Variants in RPS6KA3 observed in about 807,000 individuals in gnomAD.
The protein encoded by RPS6KA3 is ribosomal protein S6 kinase alpha-3.
A neutral mutation model predicts 67.2 loss-of-function variants in RPS6KA3; 4 were observed. The ratio of observed to expected loss-of-function variants is 0.06; its 90% confidence interval spans 0.03 to 0.14. RPS6KA3 has a LOEUF of 0.14. RPS6KA3 is among the 10% of genes least tolerant of loss of function. The probability of loss-of-function intolerance (pLI) is 1.00; values close to 1 mark genes in which losing one functional copy is unlikely to be tolerated. For synonymous variants in RPS6KA3, 182 were observed against 183.7 expected, an observed-to-expected ratio of 0.99 and a Z score of 0.07; for missense variants, 204 against 559.0, an observed-to-expected ratio of 0.36 and a Z score of 6.40.
intron 3 of RPS6KA3, among the ~76,000 whole-genome samples, chrX:20,207,786 T>A (rs1007133134): frequency 8.9e-6 from 1 of 112,186 alleles, no homozygotes; most frequent in East Asian, 2.8e-4. Flanking sequence ...ATTAAAAGCA[T>A]CCTTTTGGGT....
intron 3 of RPS6KA3, among the ~76,000 whole-genome samples, chrX:20,207,240 A>G (rs1210537592): frequency 3.6e-5 from 4 of 111,801 alleles, no homozygotes; most frequent in Admixed American, 1.9e-4. Context: ...TTGGTGACAG[A>G]TAAGACTGGC....
At chrX:20,159,825 TA>T in intron 20 of RPS6KA3, among the ~76,000 whole-genome samples, 1 of 112,001 alleles carries the variant, frequency 8.9e-6, no homozygotes, top group East Asian at 2.8e-4. Flanking sequence ...GAATGCACTT[TA>T]AAAAGGAAAA....
At chrX:20,180,989 G>A (rs1477957380) in intron 10 of RPS6KA3, among the ~76,000 whole-genome samples, 1 of 111,845 alleles carries the variant, frequency 8.9e-6, no homozygotes, top group Non-Finnish European at 1.9e-5. Flanking sequence ...GGATCCAACT[G>A]TAAAGACACA....
chrX:20,256,254 A>G, intron 1 of RPS6KA3, among the ~76,000 whole-genome samples: 1 of 109,647 alleles, frequency 9.1e-6, no homozygotes, highest in Non-Finnish European at 1.9e-5. Context: ...AAGAAAAAAA[A>G]AAATGATTGC....
chrX:20,162,274 T>TG (rs765486358), intron 19 of RPS6KA3, among the ~76,000 whole-genome samples: 1 of 103,295 alleles, frequency 9.7e-6, no homozygotes, highest in East Asian at 3.0e-4. Flanking sequence ...AGGTGGAGGT[T>TG]GCAGTGAGCC....
chrX:20,247,236 GC>G (rs2069714581), intron 1 of RPS6KA3, among the ~76,000 whole-genome samples: 1 of 109,839 alleles, frequency 9.1e-6, no homozygotes, highest in South Asian at 3.9e-4. Flanking sequence ...GACCAGCCTG[GC>G]CAACATGGTG....
chrX:20,197,764 G>A (rs1179171586), intron 4 of RPS6KA3, among the ~76,000 whole-genome samples: 1 of 111,472 alleles, frequency 9.0e-6, no homozygotes, highest in African/African-American at 3.3e-5. Flanking sequence ...CCTACCATGA[G>A]GAATTTTAAT....
At chrX:20,195,960 G>C (rs997437527) in intron 4 of RPS6KA3, among the ~76,000 whole-genome samples, 1 of 112,218 alleles carries the variant, frequency 8.9e-6, no homozygotes, top group Non-Finnish European at 1.9e-5. Context: ...ATGCAAAGTA[G>C]CACCATGAAT....
intron 1 of RPS6KA3, among the ~76,000 whole-genome samples, chrX:20,237,730 G>A (rs780940984): frequency 9.0e-6 from 1 of 111,443 alleles, no homozygotes; most frequent in Admixed American, 9.5e-5. Flanking sequence ...AGCTTCATGA[G>A]GATAAAATAC....
intron 1 of RPS6KA3, among the ~76,000 whole-genome samples, chrX:20,261,479 A>C (rs2070228552): frequency 8.9e-6 from 1 of 112,350 alleles, no homozygotes; most frequent in South Asian, 3.6e-4. Flanking sequence ...ATCTTTCAAC[A>C]GTTTGTTTAA....
chrX:20,256,172 C>CAAA (rs35947983), intron 1 of RPS6KA3, among the ~76,000 whole-genome samples: 307 of 14,383 alleles, frequency 0.021, 45 homozygotes, highest in Middle Eastern at 0.25. Context: ...GACACCGTCT[C>CAAA]AAAAAAAAAA....
intron 10 of RPS6KA3, 63 bp downstream of exon 10, chrX:20,186,233 C>A (rs1035996602): frequency 1.3e-6 from 1 of 789,058 alleles, no homozygotes; most frequent in Admixed American, 2.2e-5. Context: ...TGAGCCACAG[C>A]GCCCAGCCTG....
rs1348148993 is a variant in RPS6KA3, at chrX:20,152,604, T to G, written c.*2794A>C. The G allele has an allele frequency of 8.9e-6, 1 of 112,157 alleles. No individual in the cohort carries two copies. Among genetic ancestry groups the G allele is most frequent in the South Asian group, 3.7e-4 (1 of 2,715 alleles). The allele number at this position is 112,157 out of a possible 1,213,427, so 9.2% of individuals were successfully genotyped here. ...ACCACAACTGTAGGGGCCTGAATAA[T>G]TGATGTTGAGAAATTAATGGAAAAG... On this transcript the variant is annotated 3_prime_UTR_variant, in exon 22 of 22. Transcript: ENST00000379565.
chrX:20,194,324 A>C (rs1030135505), intron 5 of RPS6KA3, 56 bp from the exon 6 acceptor site: 21 of 673,557 alleles, frequency 3.1e-5, no homozygotes, highest in Non-Finnish European at 5.0e-5. Flanking sequence ...TTAGGTTTAC[A>C]TTAGGTCATT....
chrX:20,211,195 G>C (rs2068705029), intron 2 of RPS6KA3, among the ~76,000 whole-genome samples: 2 of 111,148 alleles, frequency 1.8e-5, no homozygotes. Flanking sequence ...CAACATAAAC[G>C]AGTAAACCTT....
At chrX:20,244,347 C>A (rs759295602) in intron 1 of RPS6KA3, among the ~76,000 whole-genome samples, 1 of 111,826 alleles carries the variant, frequency 8.9e-6, no homozygotes, top group Admixed American at 9.5e-5. Context: ...ACACAGGTCA[C>A]ATTTTCTGAT....
intron 1 of RPS6KA3, among the ~76,000 whole-genome samples, chrX:20,257,474 A>G (rs1407788316): frequency 8.9e-6 from 1 of 112,493 alleles, no homozygotes; most frequent in Admixed American, 9.4e-5. Context: ...AGTGAAATAA[A>G]TGTGCTGCAC....
At chrX:20,168,987 C>T (rs1305507428) in intron 16 of RPS6KA3, among the ~76,000 whole-genome samples, 1 of 110,667 alleles carries the variant, frequency 9.0e-6, no homozygotes, top group Non-Finnish European at 1.9e-5. Context: ...AGAGTAGCTG[C>T]GACTATAGGC....
chrX:20,158,180 C>T (rs189826951), intron 20 of RPS6KA3, among the ~76,000 whole-genome samples: 25 of 108,105 alleles, frequency 2.3e-4, no homozygotes, highest in Non-Finnish European at 2.9e-4. Context: ...GCCTGGGCAA[C>T]GTAGTGGGAC....
Sources: gnomAD v4.1 joint callset for allele counts (sites outside exome capture counted in the v4.1 genomes callset) on GRCh38, gnomAD v4.1.1 for gene constraint, MANE v1.5 for transcripts, NCBI Gene and HGNC (gene_info 2026-07-23, HGNC 2026-07-21) for gene names.